Variants in TEAD1 observed in about 807,000 individuals in gnomAD.
TEAD1 encodes TEA domain transcription factor 1, also known as transcriptional enhancer factor TEF-1.
Under a neutral mutation model 54.9 loss-of-function variants are expected in TEAD1, and 9 were observed. That is an observed-to-expected ratio of 0.16 (90% confidence interval 0.10 to 0.29). The LOEUF is 0.29. TEAD1 is among the 10% of genes least tolerant of loss of function. The probability of loss-of-function intolerance (pLI) is 1.00; values close to 1 mark genes in which losing one functional copy is unlikely to be tolerated. For missense variants in TEAD1, 387 were observed against 535.9 expected (o/e 0.72, Z 2.74); for synonymous variants, 200 against 187.8 (o/e 1.07, Z -0.53).
chr11:12,864,685 G>C, intron 4 of TEAD1, 153 bp from the exon 5 acceptor site: 1 of 1,518,832 alleles, frequency 6.6e-7, no homozygotes, highest in Non-Finnish European at 8.8e-7. Flanking sequence ...GAACAATGTA[G>C]GTGTCTAGTC....
intron 2 of TEAD1, among the ~76,000 whole-genome samples, chr11:12,739,554 C>A (rs1944610479): frequency 6.6e-6 from 1 of 152,292 alleles, no homozygotes; most frequent in Non-Finnish European, 1.5e-5. Flanking sequence ...TTGTGACCGG[C>A]TTAATTCACT....
chr11:12,799,943 C>T (rs1439719952), intron 3 of TEAD1, among the ~76,000 whole-genome samples: 1 of 152,096 alleles, frequency 6.6e-6, no homozygotes, highest in Non-Finnish European at 1.5e-5. Context: ...TCAGATGCCA[C>T]AAGAAATACT....
chr11:12,724,639 TGCCTTTG>T (rs1741259625), intron 2 of TEAD1, among the ~76,000 whole-genome samples: 2 of 152,352 alleles, frequency 1.3e-5, no homozygotes, highest in African/African-American at 4.8e-5. Flanking sequence ...AAAGTTCAGG[TGCCTTTG>T]AAACACTGCA....
intron 3 of TEAD1, among the ~76,000 whole-genome samples, chr11:12,775,329 T>A (rs560570553): frequency 6.6e-6 from 1 of 152,240 alleles, no homozygotes; most frequent in South Asian, 2.1e-4. Flanking sequence ...ACAGTGGCCC[T>A]CCGCAGCATC....
At chr11:12,775,966 T>C (rs1438994057) in intron 3 of TEAD1, among the ~76,000 whole-genome samples, 5 of 146,448 alleles carry the variant, frequency 3.4e-5, no homozygotes, top group Non-Finnish European at 7.4e-5. Flanking sequence ...TGGTGTTTAC[T>C]GGCGGCGGGG....
intron 10 of TEAD1, among the ~76,000 whole-genome samples, chr11:12,923,269 G>A (rs912039846): frequency 1.3e-5 from 2 of 151,974 alleles, no homozygotes; most frequent in East Asian, 1.9e-4. Flanking sequence ...TCTCTTTAGC[G>A]CTTCTTTCTG....
intron 2 of TEAD1, among the ~76,000 whole-genome samples, chr11:12,716,555 T>C (rs545522972): frequency 8.4e-4 from 128 of 152,342 alleles, no homozygotes; most frequent in African/African-American, 2.9e-3. Context: ...AGAAAACTTT[T>C]TCTGGTATAG....
intron 11 of TEAD1, among the ~76,000 whole-genome samples, chr11:12,928,127 A>C (rs1372654467): frequency 6.6e-6 from 1 of 152,220 alleles, no homozygotes; most frequent in African/African-American, 2.4e-5. Context: ...TGTTGACATA[A>C]CAAGTTAATA....
chr11:12,841,119 G>A (rs866253868), intron 3 of TEAD1, among the ~76,000 whole-genome samples: 1 of 152,228 alleles, frequency 6.6e-6, no homozygotes, highest in Non-Finnish European at 1.5e-5. Flanking sequence ...CACAGACCCA[G>A]ATTTATTCAT....
chr11:12,917,034 C>T (rs1193100350), intron 10 of TEAD1, among the ~76,000 whole-genome samples: 1 of 152,194 alleles, frequency 6.6e-6, no homozygotes, highest in African/African-American at 2.4e-5. Flanking sequence ...CATGCCTCCT[C>T]TGTAGCCATG....
At chr11:12,818,268 C>T (rs1294284125) in intron 3 of TEAD1, among the ~76,000 whole-genome samples, 3 of 152,186 alleles carry the variant, frequency 2.0e-5, no homozygotes, top group African/African-American at 7.2e-5. Flanking sequence ...CTCCCAAAAT[C>T]CCTTTCTCAA....
chr11:12,926,452 C>T (rs973645270), intron 11 of TEAD1, among the ~76,000 whole-genome samples: 13 of 152,092 alleles, frequency 8.5e-5, no homozygotes. Flanking sequence ...TAGAAACTAA[C>T]TGGATATTAA....
intron 3 of TEAD1, among the ~76,000 whole-genome samples, chr11:12,767,600 C>T (rs111651580): frequency 1.7e-4 from 26 of 152,270 alleles, no homozygotes; most frequent in African/African-American, 6.3e-4. Flanking sequence ...AAAAGGACAA[C>T]TCTATGATGA....
chr11:12,695,338 A>G (rs913957868), intron 2 of TEAD1, among the ~76,000 whole-genome samples: 3 of 152,228 alleles, frequency 2.0e-5, no homozygotes, highest in Non-Finnish European at 2.9e-5. Context: ...GTGAAAATAT[A>G]TTACTCTCAT....
intron 3 of TEAD1, among the ~76,000 whole-genome samples, chr11:12,845,389 T>G (rs759390675): frequency 6.6e-6 from 1 of 152,144 alleles, no homozygotes; most frequent in Admixed American, 6.5e-5. Flanking sequence ...ATCGTGTGTG[T>G]GTGCGCACAC....
At chr11:12,691,088 T>G (rs2133824029) in intron 2 of TEAD1, among the ~76,000 whole-genome samples, 1 of 152,360 alleles carries the variant, frequency 6.6e-6, no homozygotes, top group South Asian at 2.1e-4. Context: ...TCTTAGCAAC[T>G]ATATGGTTAA....
intron 2 of TEAD1, among the ~76,000 whole-genome samples, chr11:12,729,342 A>G (rs1050634433): frequency 6.6e-6 from 1 of 152,206 alleles, no homozygotes; most frequent in Non-Finnish European, 1.5e-5. Flanking sequence ...CTTGTTAAGC[A>G]TGCAGATTCT....
At chr11:12,695,138 A>G (rs1423621240) in intron 2 of TEAD1, among the ~76,000 whole-genome samples, 2 of 152,058 alleles carry the variant, frequency 1.3e-5, no homozygotes, top group African/African-American at 4.8e-5. Flanking sequence ...TGTCGTTTGT[A>G]TTTTGTGTTT....
chr11:12,861,585 A>G (rs990996017), intron 3 of TEAD1, among the ~76,000 whole-genome samples: 1 of 152,230 alleles, frequency 6.6e-6, no homozygotes, highest in Non-Finnish European at 1.5e-5. Flanking sequence ...AAAGACTAGA[A>G]GAGAACTGGG....
Sources: gnomAD v4.1 joint callset for allele counts (sites outside exome capture counted in the v4.1 genomes callset) on GRCh38, gnomAD v4.1.1 for gene constraint, MANE v1.5 for transcripts, NCBI Gene and HGNC (gene_info 2026-07-23, HGNC 2026-07-21) for gene names.